The following ADAMTS16 variants were observed in gnomAD, a reference collection of about 807,000 sequenced individuals.
ADAMTS16 encodes A disintegrin and metalloproteinase with thrombospondin motifs 16.
Under a neutral mutation model 145.8 loss-of-function variants are expected in ADAMTS16, and 94 were observed. The observed-to-expected ratio is 0.64, with a 90% confidence interval of 0.55 to 0.77. The LOEUF is 0.77. ADAMTS16 is among the 30% of genes least tolerant of loss of function. The pLI, the probability that ADAMTS16 is intolerant of heterozygous loss-of-function variation, is 0.00. For missense variants in ADAMTS16, 1,585 were observed against 1,591.5 expected, an observed-to-expected ratio of 1.00 and a Z score of 0.07; for synonymous variants, 659 against 604.3, an observed-to-expected ratio of 1.09 and a Z score of -1.33.
chr5:5,196,120 G>T (rs560353700), intron 8 of ADAMTS16, among the ~76,000 whole-genome samples: 1 of 151,778 alleles, frequency 6.6e-6, no homozygotes, highest in South Asian at 2.1e-4. Flanking sequence ...CAGCTACTCA[G>T]GAGGCTGAGG....
intron 21 of ADAMTS16, among the ~76,000 whole-genome samples, chr5:5,308,763 A>G (rs1349112498): frequency 1.3e-5 from 2 of 152,232 alleles, no homozygotes; most frequent in African/African-American, 4.8e-5. Context: ...AGCCTGCCCA[A>G]CATGGTGAAA....
intron 18 of ADAMTS16, among the ~76,000 whole-genome samples, chr5:5,273,658 G>A (rs1394323375): frequency 6.6e-6 from 1 of 152,354 alleles, no homozygotes; most frequent in East Asian, 1.9e-4. Flanking sequence ...AGGTATAAAA[G>A]ATGACACCTT....
intron 3 of ADAMTS16, among the ~76,000 whole-genome samples, chr5:5,152,551 C>T (rs1467811992): frequency 6.6e-6 from 1 of 152,154 alleles, no homozygotes. Context: ...GCTTGCCTCC[C>T]CTGTAGTGCA....
At position 5,257,930 on chromosome 5, in the gene ADAMTS16, A is replaced by G. The variant is rs183238931; in HGVS notation, c.2663-4727A>G. On this transcript the variant is annotated intron_variant, in intron 17 of 22. Coordinates refer to ENST00000274181, the MANE Select transcript of ADAMTS16 (RefSeq NM_139056.4). The stretch of plus-strand genomic sequence containing the variant: ...CTTTCAGGTTTGCTAATCTGCTAAA[A>G]TGGCTCATAAAACTCAAGAAGCCAC... 1.3e-3 allele frequency among the ~76,000 whole-genome samples: 196 copies of G among 152,294 alleles called. 1 individual carries two copies. Among genetic ancestry groups the G allele is most frequent in the African/African-American group, 4.3e-3 (177 of 41,560 alleles).
At chr5:5,263,504 G>C (rs374558609) in intron 18 of ADAMTS16, among the ~76,000 whole-genome samples, 1 of 152,368 alleles carries the variant, frequency 6.6e-6, no homozygotes, top group Non-Finnish European at 1.5e-5. Flanking sequence ...ACTCCCAGCA[G>C]GGGTGCCTCT....
Position 5,319,800 on chromosome 5 carries a change from A to T in ADAMTS16, c.*662A>T. The stretch of plus-strand genomic sequence containing the variant: ...TTGCCTATGGAAATGGGAAAAATGA[A>T]ATTCCTGCTAAGGTGCTTCTATCTC... On this transcript the variant is annotated 3_prime_UTR_variant, in exon 23 of 23. Coordinates refer to ENST00000274181, the MANE Select transcript of ADAMTS16 (RefSeq NM_139056.4). 2.2e-6 allele frequency: 1 copy of T among 449,030 alleles called. No homozygotes were observed. Among genetic ancestry groups the T allele is most frequent in the South Asian group, 1.6e-5 (1 of 63,174 alleles). The allele number at this position is 449,030 out of a possible 1,614,324, so 27.8% of individuals were successfully genotyped here.
chr5:5,168,274 A>G (rs1306808488), intron 3 of ADAMTS16, among the ~76,000 whole-genome samples: 4 of 151,556 alleles, frequency 2.6e-5, no homozygotes, highest in East Asian at 1.9e-4. Context: ...ATTTTGGTGT[A>G]AAAATTAGCT....
At position 5,182,160 on chromosome 5, in the gene ADAMTS16, G is replaced by C. The variant is rs1383713497; in HGVS notation, c.618G>C (p.Lys206Asn). ...QGSSPSHVLY[K>N]RSTEPHAPGA... ...GCTCGCCATCCCACGTACTGTACAA[G>C]AGATCCACAGAGCCCCATGCTCCTG... The change falls in exon 4 of 23, where the codon AAG becomes AAC. Residue 206 changes from lysine to asparagine, a missense_variant. Lys to Asn is a moderately conservative substitution (Grantham distance 94, BLOSUM62 0). This residue lies in a region of ADAMTS16 where 453 missense variants were observed against 412.1 expected (regional missense o/e 1.10). Transcript: ENST00000274181. 1.2e-6 allele frequency: 2 copies of C among 1,614,008 alleles called. No individual in the cohort carries two copies. Among genetic ancestry groups the C allele is most frequent in the Non-Finnish European group, 1.7e-6 (2 of 1,180,048 alleles).
chr5:5,255,480 T>C (rs559455982), intron 17 of ADAMTS16, among the ~76,000 whole-genome samples: 1 of 152,366 alleles, frequency 6.6e-6, no homozygotes, highest in South Asian at 2.1e-4. Context: ...TCATTGGTGA[T>C]GATTACAGAT....
rs1359399025 is a variant in ADAMTS16, at chr5:5,140,485, C to A, written c.18C>A (p.Arg6=). Residue 6 remains arginine (R), a synonymous_variant, in exon 1 of 23, where the codon CGC becomes CGA. Transcript: ENST00000274181. ...GCTCCTGGATGAAGCCCCGCGCGCGCGGATGGCGGGGCTTGGCGGCGCTGT... is the reference window on the plus strand; with the variant it reads ...GCTCCTGGATGAAGCCCCGCGCGCGAGGATGGCGGGGCTTGGCGGCGCTGT... The part of the protein sequence containing the change: MKPRA[R]GWRGLAALWM... 6.6e-7 allele frequency: 1 copy of A among 1,516,122 alleles called. No homozygotes were observed. The highest frequency in any genetic ancestry group is 1.2e-5 in the South Asian group (1 of 82,130). The allele number at this position is 1,516,122 out of a possible 1,614,324, so 93.9% of individuals were successfully genotyped here.
intron 8 of ADAMTS16, among the ~76,000 whole-genome samples, chr5:5,194,692 G>A (rs560394188): frequency 6.6e-5 from 10 of 152,308 alleles, no homozygotes; most frequent in African/African-American, 2.4e-4. Context: ...TTCAGTTCAT[G>A]TATTTAGTGA....
At chr5:5,162,606 C>T (rs1027597887) in intron 3 of ADAMTS16, among the ~76,000 whole-genome samples, 1 of 152,158 alleles carries the variant, frequency 6.6e-6, no homozygotes, top group Non-Finnish European at 1.5e-5. Context: ...TTCTGTATGA[C>T]CTTGCTGAGA....
intron 18 of ADAMTS16, among the ~76,000 whole-genome samples, chr5:5,294,201 A>G (rs1427923351): frequency 6.6e-6 from 1 of 152,266 alleles, no homozygotes; most frequent in Non-Finnish European, 1.5e-5. Context: ...GGAGTTCTGC[A>G]AAGAACCAGA....
chr5:5,151,142 T>C (rs544602677), intron 3 of ADAMTS16, among the ~76,000 whole-genome samples: 19 of 152,136 alleles, frequency 1.2e-4, no homozygotes, highest in Non-Finnish European at 2.5e-4. Flanking sequence ...TTTTATTTCT[T>C]TCTTTTAAAA....
intron 18 of ADAMTS16, among the ~76,000 whole-genome samples, chr5:5,295,183 T>C (rs1217652931): frequency 1.3e-5 from 2 of 152,220 alleles, no homozygotes; most frequent in Non-Finnish European, 2.9e-5. Context: ...AATTTCCAGT[T>C]TGAGTTTCTT....
At chr5:5,299,883 T>C (rs1739701428) in intron 18 of ADAMTS16, among the ~76,000 whole-genome samples, 1 of 152,260 alleles carries the variant, frequency 6.6e-6, no homozygotes, top group African/African-American at 2.4e-5. Flanking sequence ...AGCTTGTTAC[T>C]GTTCATGGAA....
chr5:5,146,033 A>G, intron 2 of ADAMTS16, 97 bp from the exon 3 acceptor site: 1 of 1,066,698 alleles, frequency 9.4e-7, no homozygotes, highest in Non-Finnish European at 1.3e-6. Flanking sequence ...GACTGGGTGG[A>G]AAGGTCATGT....
In ADAMTS16 at chr5:5,294,073, G is replaced by A. The variant is rs189601689; in HGVS notation, c.2790-9195G>A. Reference sequence around the variant, plus strand: ...ATAGTAATGTTGTGTGTTCATGTTCGCGCTGGAAATACTTCTTCTTGGCAG... The same window carrying A: ...ATAGTAATGTTGTGTGTTCATGTTCACGCTGGAAATACTTCTTCTTGGCAG... On this transcript the variant is annotated intron_variant, in intron 18 of 22. Coordinates refer to ENST00000274181, the MANE Select transcript of ADAMTS16 (RefSeq NM_139056.4). Among the ~76,000 whole-genome samples the A allele has an allele frequency of 2.3e-3, 355 of 152,280 alleles. 4 individuals carry two copies. The highest frequency in any genetic ancestry group is 8.4e-3 in the African/African-American group (347 of 41,548).
chr5:5,304,209 G>A (rs962238398), intron 20 of ADAMTS16, among the ~76,000 whole-genome samples: 1 of 152,184 alleles, frequency 6.6e-6, no homozygotes, highest in African/African-American at 2.4e-5. Flanking sequence ...AGTTTCCGGG[G>A]GCAGCTGTTC....
Sources: gnomAD v4.1 joint callset for allele counts (sites outside exome capture counted in the v4.1 genomes callset) on GRCh38, gnomAD v4.1.1 for gene constraint, gnomAD v4.1.1 regional missense constraint, MANE v1.5 for transcripts, NCBI Gene and HGNC (gene_info 2026-07-23, HGNC 2026-07-21) for gene names.